RBMS1: variants seen among roughly 807,000 people sequenced by gnomAD.
The protein encoded by RBMS1 is RNA-binding motif, single-stranded-interacting protein 1.
Under a neutral mutation model 62.3 loss-of-function variants are expected in RBMS1, and 17 were observed. That is an observed-to-expected ratio of 0.27 (90% CI 0.19 to 0.41). The LOEUF (loss-of-function observed/expected upper bound fraction) is 0.41. Among genes scored for constraint, RBMS1 ranks in the 10% least tolerant of loss-of-function variants. The probability of loss-of-function intolerance (pLI) is 1.00; values close to 1 mark genes in which losing one functional copy is unlikely to be tolerated. For missense variants in RBMS1, 334 were observed against 504.5 expected (o/e 0.66, Z 3.24); for synonymous variants, 172 against 170.0 (o/e 1.01, Z -0.09).
intron 1 of RBMS1, among the ~76,000 whole-genome samples, chr2:160,474,329 T>C (rs150171170): frequency 6.6e-6 from 1 of 152,190 alleles, no homozygotes; most frequent in Non-Finnish European, 1.5e-5. Flanking sequence ...TTCCAACAAG[T>C]TCTTTTTTGT....
At chr2:160,492,590 C>T (rs1256385644) in intron 1 of RBMS1, among the ~76,000 whole-genome samples, 3 of 152,166 alleles carry the variant, frequency 2.0e-5, no homozygotes, top group Non-Finnish European at 4.4e-5. Context: ...GCCCATTGTC[C>T]CTCCTTTGCA....
rs1437026168 is a variant in RBMS1 at position 160,470,035 on chromosome 2, A to G, written c.75+23254T>C. ...CAAGACAGTAAAACTGCACAGATAT[A>G]TTTTTAAACCCATGAGGCTGTTGTG... On this transcript the variant is annotated intron_variant, in intron 1 of 13. Transcript: ENST00000348849. Among the ~76,000 whole-genome samples the G allele has an allele frequency of 3.3e-5, 5 of 152,314 alleles. No homozygotes were observed. In the South Asian group the frequency reaches 8.3e-4, roughly 25 times the overall value.
At chr2:160,380,734 A>G (rs1277148563) in intron 1 of RBMS1, among the ~76,000 whole-genome samples, 1 of 152,144 alleles carries the variant, frequency 6.6e-6, no homozygotes, top group Non-Finnish European at 1.5e-5. Context: ...AGTATGGAAA[A>G]CAATTTAGGA....
chr2:160,294,570 G>A (rs970599056), intron 6 of RBMS1, among the ~76,000 whole-genome samples: 2 of 152,188 alleles, frequency 1.3e-5, no homozygotes, highest in African/African-American at 4.8e-5. Flanking sequence ...GCTAGGATGA[G>A]TTCATTGTTC....
intron 1 of RBMS1, among the ~76,000 whole-genome samples, chr2:160,376,280 T>C (rs1445074826): frequency 2.0e-5 from 3 of 152,218 alleles, no homozygotes; most frequent in Admixed American, 6.5e-5. Context: ...TATTCTTAGA[T>C]CCAGCGGGAC....
At chr2:160,422,131 A>C (rs543112260) in intron 1 of RBMS1, among the ~76,000 whole-genome samples, 1 of 152,374 alleles carries the variant, frequency 6.6e-6, no homozygotes, top group African/African-American at 2.4e-5. Context: ...TTTTTGTAGG[A>C]AACAAAGCAG....
At chr2:160,399,104 C>CT (rs1695306783) in intron 1 of RBMS1, among the ~76,000 whole-genome samples, 1 of 152,336 alleles carries the variant, frequency 6.6e-6, no homozygotes, top group South Asian at 2.1e-4. Context: ...ATCTTCAAAT[C>CT]TTTGCTGAAT....
At chr2:160,276,368 C>A (rs944797329) in intron 12 of RBMS1, among the ~76,000 whole-genome samples, 1 of 150,856 alleles carries the variant, frequency 6.6e-6, no homozygotes, top group Non-Finnish European at 1.5e-5. Flanking sequence ...ACCACCACCA[C>A]CAACACCTAC....
At chr2:160,308,246 TTAGCCAGGTGTGG>T (rs1293075838) in intron 4 of RBMS1, among the ~76,000 whole-genome samples, 1 of 151,786 alleles carries the variant, frequency 6.6e-6, no homozygotes, top group Non-Finnish European at 1.5e-5. Context: ...AATACAAAAA[TTAGCCAGGTGTGG>T]TAGTGCGTGC....
intron 1 of RBMS1, among the ~76,000 whole-genome samples, chr2:160,397,812 T>A (rs1343138469): frequency 6.6e-6 from 1 of 152,186 alleles, no homozygotes; most frequent in Non-Finnish European, 1.5e-5. Flanking sequence ...CAACATTTAA[T>A]GGAGCTGACC....
chr2:160,380,382 C>G (rs1694220433), intron 1 of RBMS1, among the ~76,000 whole-genome samples: 1 of 152,036 alleles, frequency 6.6e-6, no homozygotes, highest in Non-Finnish European at 1.5e-5. Flanking sequence ...GCCCAGAGGA[C>G]AGGGCAGACA....
At chr2:160,421,111 G>A (rs1027972539) in intron 1 of RBMS1, among the ~76,000 whole-genome samples, 1 of 151,754 alleles carries the variant, frequency 6.6e-6, no homozygotes, top group African/African-American at 2.4e-5. Flanking sequence ...CAGCAGGACA[G>A]CTCTTGAGAT....
chr2:160,402,409 G>A (rs1695480509), intron 1 of RBMS1, among the ~76,000 whole-genome samples: 1 of 152,054 alleles, frequency 6.6e-6, no homozygotes, highest in Admixed American at 6.6e-5. Context: ...TTTTTATAAT[G>A]AGTTTTAAAA....
intron 1 of RBMS1, among the ~76,000 whole-genome samples, chr2:160,378,537 G>A (rs74504782): frequency 0.021 from 3,218 of 151,918 alleles, 120 homozygotes; most frequent in African/African-American, 0.072. Context: ...CACTTGAGCC[G>A]GGAGGTCAAG....
chr2:160,452,614 G>C (rs1205797090), intron 1 of RBMS1, among the ~76,000 whole-genome samples: 2 of 152,182 alleles, frequency 1.3e-5, no homozygotes, highest in Non-Finnish European at 2.9e-5. Flanking sequence ...AAGGCCAACT[G>C]TATTCTCTTC....
intron 5 of RBMS1, among the ~76,000 whole-genome samples, chr2:160,301,074 C>T (rs1464799496): frequency 1.3e-5 from 2 of 152,102 alleles, no homozygotes; most frequent in African/African-American, 2.4e-5. Context: ...ATTGCAGATA[C>T]AACAGTTTAA....
At chr2:160,450,609 G>A (rs1683942624) in intron 1 of RBMS1, among the ~76,000 whole-genome samples, 1 of 149,072 alleles carries the variant, frequency 6.7e-6, no homozygotes, top group Non-Finnish European at 1.5e-5. Flanking sequence ...TTGTAATAGT[G>A]GTGGTTTGTT....
intron 1 of RBMS1, among the ~76,000 whole-genome samples, chr2:160,443,617 T>G (rs1683513499): frequency 6.6e-6 from 1 of 152,062 alleles, no homozygotes; most frequent in Non-Finnish European, 1.5e-5. Context: ...TGCTCTGGCT[T>G]TGCCTTCTGT....
chr2:160,309,042 A>T (rs1689707511), intron 4 of RBMS1, among the ~76,000 whole-genome samples: 1 of 152,196 alleles, frequency 6.6e-6, no homozygotes, highest in South Asian at 2.1e-4. Flanking sequence ...GTTTAAGGGG[A>T]GACCACAAAA....
Sources: allele counts gnomAD v4.1 joint callset (sites outside exome capture counted in the v4.1 genomes callset), GRCh38; gene constraint gnomAD v4.1.1; transcripts MANE v1.5; gene names NCBI Gene and HGNC (gene_info 2026-07-23, HGNC 2026-07-21).